Variants in RANBP17 observed in about 807,000 individuals in gnomAD.
RANBP17 encodes RAN binding protein 17.
A neutral mutation model predicts 141.2 loss-of-function variants in RANBP17; 158 were observed. The observed-to-expected ratio is 1.12, with a 90% CI of 0.98 to 1.28. The LOEUF (loss-of-function observed/expected upper bound fraction) is 1.28, where lower values mean the gene tolerates loss of function less well. Ranked by LOEUF, RANBP17 falls within the 50% of genes most tolerant of loss-of-function variation. The probability of loss-of-function intolerance (pLI) is 0.00; values close to 1 mark genes in which losing one functional copy is unlikely to be tolerated. For synonymous variants in RANBP17, 430 were observed against 450.0 expected, an observed-to-expected ratio of 0.96 and a Z score of 0.56; for missense variants, 1,438 against 1,290.7, an observed-to-expected ratio of 1.11 and a Z score of -1.75.
Position 171,265,777 on chromosome 5 carries a change from G to A in RANBP17, c.2873G>A (p.Cys958Tyr), listed in dbSNP as rs768790189. 1.8e-5 allele frequency: 29 copies of A among 1,613,984 alleles called. No individual in the cohort carries two copies. Among genetic ancestry groups the A allele is most frequent in the South Asian group, 1.1e-5 (1 of 91,080 alleles). The change falls in exon 25 of 28, where the codon TGC becomes TAC. Residue 958 changes from cysteine (C) to tyrosine (Y), a missense_variant. By Grantham distance (194) the Cys-to-Tyr change is radical (BLOSUM62 -2). Transcript: ENST00000523189. ...AAAGAGGGCAAGAAGCCACTTCGAT[G>A]CAGAGAGGCTACCCAGGCTGGTCAG... is the stretch of plus-strand genomic sequence containing the variant. ...IAKEGKKPLR[C>Y]REATQAGQRL...
intron 14 of RANBP17, among the ~76,000 whole-genome samples, chr5:171,152,451 C>T: frequency 6.6e-6 from 1 of 151,114 alleles, no homozygotes; most frequent in Middle Eastern, 3.5e-3. Flanking sequence ...AAGATACAAG[C>T]TTTACCCCTC....
intron 14 of RANBP17, among the ~76,000 whole-genome samples, chr5:171,019,284 G>T (rs542506298): frequency 6.6e-6 from 1 of 152,198 alleles, no homozygotes; most frequent in Non-Finnish European, 1.5e-5. Context: ...AATAAGTTAG[G>T]AAGGAGTCCC....
chr5:170,987,054 G>C (rs1778191189), intron 14 of RANBP17, among the ~76,000 whole-genome samples: 1 of 151,718 alleles, frequency 6.6e-6, no homozygotes, highest in Admixed American at 6.6e-5. Context: ...TGTTTAGAAA[G>C]TTCATCCTAA....
intron 20 of RANBP17, among the ~76,000 whole-genome samples, chr5:171,209,631 TG>T (rs1762762766): frequency 6.6e-6 from 1 of 152,184 alleles, no homozygotes; most frequent in Non-Finnish European, 1.5e-5. Context: ...CAGAGATGCA[TG>T]CAAAGGGCTA....
At chr5:171,054,314 C>T (rs895675053) in intron 14 of RANBP17, among the ~76,000 whole-genome samples, 1 of 152,030 alleles carries the variant, frequency 6.6e-6, no homozygotes, top group African/African-American at 2.4e-5. Flanking sequence ...CTGCTCACTG[C>T]GATTACACTT....
Position 171,053,900 on chromosome 5 carries a change from TA to T in RANBP17, c.1710+85524del, listed in dbSNP as rs1160802115. Among the ~76,000 whole-genome samples the T allele has an allele frequency of 2.1e-3, 284 of 136,122 alleles. 15 individuals are homozygous for T. The East Asian group carries it at 0.031, about 15-fold the overall frequency. The allele number at this position is 136,122 out of a possible 152,430, so 89.3% of individuals were successfully genotyped here. On this transcript the variant is annotated intron_variant, in intron 14 of 27. Coordinates refer to ENST00000523189, the MANE Select transcript of RANBP17 (RefSeq NM_022897.5). ...GTTCATATATATATATATATATATA[TA>T]TATATATATATATATATATATATAA...
chr5:171,221,186 AG>A (rs1240295921), intron 21 of RANBP17, among the ~76,000 whole-genome samples: 1 of 152,244 alleles, frequency 6.6e-6, no homozygotes, highest in Non-Finnish European at 1.5e-5. Context: ...TGCTACTCAT[AG>A]GTGAACTTAT....
At chr5:170,902,505 T>G (rs1436046420) in intron 5 of RANBP17, among the ~76,000 whole-genome samples, 1 of 152,240 alleles carries the variant, frequency 6.6e-6, no homozygotes. Context: ...ACCCACCTTC[T>G]GAAGCCTCCT....
chr5:171,247,908 G>A (rs572522863), intron 24 of RANBP17, among the ~76,000 whole-genome samples: 11 of 152,240 alleles, frequency 7.2e-5, no homozygotes, highest in Middle Eastern at 3.4e-3. Context: ...CATTATATGC[G>A]CTAAACAAAG....
At chr5:171,117,784 C>T (rs1289921387) in intron 14 of RANBP17, among the ~76,000 whole-genome samples, 1 of 152,060 alleles carries the variant, frequency 6.6e-6, no homozygotes, top group East Asian at 1.9e-4. Context: ...TGAGCCACTG[C>T]ACCTGGCCTC....
chr5:170,890,131 G>A (rs1292488461), intron 3 of RANBP17, among the ~76,000 whole-genome samples: 2 of 151,980 alleles, frequency 1.3e-5, no homozygotes, highest in Non-Finnish European at 2.9e-5. Context: ...TTATTATTTT[G>A]AGATTACCCT....
At chr5:170,937,417 C>G (rs1331683045) in intron 12 of RANBP17, among the ~76,000 whole-genome samples, 2 of 152,110 alleles carry the variant, frequency 1.3e-5, no homozygotes, top group Non-Finnish European at 2.9e-5. Context: ...TAGGCTTTTT[C>G]CTTTGGCCAT....
At chr5:170,931,592 T>G (rs2007560815) in intron 12 of RANBP17, among the ~76,000 whole-genome samples, 1 of 152,238 alleles carries the variant, frequency 6.6e-6, no homozygotes, top group Non-Finnish European at 1.5e-5. Context: ...GTATAAGGTG[T>G]AAGGAAGGGA....
chr5:170,864,531 C>G (rs770473001), intron 1 of RANBP17, among the ~76,000 whole-genome samples: 3 of 152,136 alleles, frequency 2.0e-5, no homozygotes, highest in South Asian at 2.1e-4. Flanking sequence ...CTGTGAATTA[C>G]GATACCCTGT....
At chr5:171,019,203 T>C (rs1304015703) in intron 14 of RANBP17, among the ~76,000 whole-genome samples, 1 of 152,224 alleles carries the variant, frequency 6.6e-6, no homozygotes, top group Non-Finnish European at 1.5e-5. Context: ...ATCAGAGATA[T>C]TGGCCTGAAA....
intron 24 of RANBP17, among the ~76,000 whole-genome samples, chr5:171,258,116 A>AAAAC (rs1554124850): frequency 1.0e-5 from 1 of 98,944 alleles, no homozygotes; most frequent in African/African-American, 4.2e-5. Flanking sequence ...AAAAAAAAAA[A>AAAAC]ATACACACAC....
chr5:170,878,726 G>C (rs1407672120), intron 2 of RANBP17, among the ~76,000 whole-genome samples: 5 of 152,092 alleles, frequency 3.3e-5, no homozygotes, highest in Admixed American at 3.3e-4. Flanking sequence ...CTGCTTACTT[G>C]ATTTATGTAC....
intron 14 of RANBP17, among the ~76,000 whole-genome samples, chr5:170,999,341 GC>G (rs2127574897): frequency 6.6e-6 from 1 of 152,084 alleles, no homozygotes; most frequent in Non-Finnish European, 1.5e-5. Context: ...ATTGGTATAA[GC>G]TGGCTTTATT....
At chr5:170,966,265 C>G (rs62393885) in intron 13 of RANBP17, among the ~76,000 whole-genome samples, 3 of 152,092 alleles carry the variant, frequency 2.0e-5, no homozygotes, top group Admixed American at 1.3e-4. Flanking sequence ...GACCAATATC[C>G]TTGATGAACA....
Sources: gnomAD v4.1 joint callset for allele counts (sites outside exome capture counted in the v4.1 genomes callset) on GRCh38, gnomAD v4.1.1 for gene constraint, MANE v1.5 for transcripts, NCBI Gene and HGNC (gene_info 2026-07-23, HGNC 2026-07-21) for gene names.